The following CNTNAP5 variants were observed in gnomAD, a reference collection of about 807,000 sequenced individuals.
CNTNAP5 encodes the protein contactin associated protein family member 5.
CNTNAP5 carries 72 observed loss-of-function variants against 150.2 expected under a neutral mutation model. The ratio of observed to expected loss-of-function variants is 0.48; its 90% CI spans 0.40 to 0.58. The LOEUF (loss-of-function observed/expected upper bound fraction) is 0.58, where lower values mean the gene tolerates loss of function less well. Among genes scored for constraint, CNTNAP5 ranks in the 20% least tolerant of loss-of-function variants. The probability of loss-of-function intolerance (pLI) is 0.00; values close to 1 mark genes in which losing one functional copy is unlikely to be tolerated. For synonymous variants in CNTNAP5, 672 were observed against 619.8 expected (o/e 1.08, Z -1.25); for missense variants, 1,636 against 1,626.2 (o/e 1.01, Z -0.10).
rs190831838 is a variant in CNTNAP5 at position 124,829,810 on chromosome 2, G to A, written c.3217+31490G>A. 4.1e-3 allele frequency among the ~76,000 whole-genome samples: 628 copies of A among 151,862 alleles called. 4 individuals are homozygous for A. The highest frequency in any genetic ancestry group is 7.5e-3 in the Non-Finnish European group (512 of 67,890). On this transcript the variant is annotated intron_variant, in intron 19 of 23. Coordinates refer to ENST00000682447, the MANE Select transcript of CNTNAP5 (RefSeq NM_001367498.1). Reference sequence around the variant, plus strand: ...CTTTGAATAGCCATGATTAAAATATGATGAAAGTTCCCAGTTGACAAGAAC... The same window carrying A: ...CTTTGAATAGCCATGATTAAAATATAATGAAAGTTCCCAGTTGACAAGAAC...
At chr2:124,192,278 T>C (rs1244483946) in intron 1 of CNTNAP5, among the ~76,000 whole-genome samples, 1 of 152,164 alleles carries the variant, frequency 6.6e-6, no homozygotes, top group Non-Finnish European at 1.5e-5. Flanking sequence ...CCATTCTTGC[T>C]CTCTGCTACC....
chr2:124,318,129 A>G (rs985517552), intron 3 of CNTNAP5, among the ~76,000 whole-genome samples: 6 of 152,322 alleles, frequency 3.9e-5, no homozygotes, highest in South Asian at 4.1e-4. Flanking sequence ...GTCAGCGGCC[A>G]CAGCACACAC....
At chr2:124,568,259 T>G (rs1696076825) in intron 11 of CNTNAP5, among the ~76,000 whole-genome samples, 1 of 152,142 alleles carries the variant, frequency 6.6e-6, no homozygotes, top group Admixed American at 6.5e-5. Context: ...AGAATAATCA[T>G]GAAAGCATTA....
At chr2:124,627,172 A>G (rs1331563621) in intron 12 of CNTNAP5, among the ~76,000 whole-genome samples, 1 of 152,130 alleles carries the variant, frequency 6.6e-6, no homozygotes, top group African/African-American at 2.4e-5. Context: ...CTCTGAAAAA[A>G]TCAGCTGATC....
chr2:124,492,138 A>G (rs945411094), intron 7 of CNTNAP5, among the ~76,000 whole-genome samples: 6 of 151,924 alleles, frequency 3.9e-5, no homozygotes, highest in African/African-American at 1.4e-4. Context: ...CCACATGTCT[A>G]TTTTTGCTTT....
At chr2:124,780,708 T>C (rs1343266499) in intron 17 of CNTNAP5, among the ~76,000 whole-genome samples, 1 of 152,194 alleles carries the variant, frequency 6.6e-6, no homozygotes, top group Non-Finnish European at 1.5e-5. Flanking sequence ...TCCAATCTGG[T>C]AGTGAGAGGA....
At chr2:124,829,978 T>C (rs995409672) in intron 19 of CNTNAP5, among the ~76,000 whole-genome samples, 2 of 151,508 alleles carry the variant, frequency 1.3e-5, no homozygotes, top group South Asian at 4.2e-4. Context: ...AATATAATTT[T>C]AGAAAAGATT....
intron 3 of CNTNAP5, among the ~76,000 whole-genome samples, chr2:124,295,772 T>C (rs902941839): frequency 2.0e-5 from 3 of 147,434 alleles, no homozygotes; most frequent in Non-Finnish European, 4.5e-5. Context: ...AGGAATGAGG[T>C]GGACAATTCC....
intron 2 of CNTNAP5, among the ~76,000 whole-genome samples, chr2:124,233,185 A>G (rs1398452792): frequency 2.0e-5 from 3 of 152,154 alleles, no homozygotes; most frequent in African/African-American, 7.2e-5. Context: ...CCTGGAACTG[A>G]TAAGCCTGCC....
intron 12 of CNTNAP5, among the ~76,000 whole-genome samples, chr2:124,613,575 G>C (rs987143912): frequency 3.3e-5 from 5 of 152,208 alleles, no homozygotes; most frequent in African/African-American, 1.2e-4. Flanking sequence ...TGGATGTCAT[G>C]GGACTGAAGA....
chr2:124,195,147 AT>A (rs1685553866), intron 1 of CNTNAP5, among the ~76,000 whole-genome samples: 1 of 152,216 alleles, frequency 6.6e-6, no homozygotes, highest in African/African-American at 2.4e-5. Context: ...TTCACTGAAC[AT>A]TTATTACTCT....
chr2:124,389,787 A>G (rs1251273529), intron 3 of CNTNAP5, among the ~76,000 whole-genome samples: 11 of 152,122 alleles, frequency 7.2e-5, no homozygotes, highest in African/African-American at 2.7e-4. Context: ...CAATATAGCA[A>G]GACCCTGTCT....
intron 3 of CNTNAP5, among the ~76,000 whole-genome samples, chr2:124,372,774 A>T (rs137991241): frequency 6.6e-6 from 1 of 152,226 alleles, no homozygotes; most frequent in East Asian, 1.9e-4. Context: ...CTGTTATTAT[A>T]GACAGAATTG....
intron 14 of CNTNAP5, among the ~76,000 whole-genome samples, chr2:124,760,815 A>G (rs1680940404): frequency 6.6e-6 from 1 of 152,156 alleles, no homozygotes; most frequent in African/African-American, 2.4e-5. Context: ...AGTTTCTACT[A>G]TGTACAAGTT....
intron 10 of CNTNAP5, among the ~76,000 whole-genome samples, chr2:124,536,927 T>C (rs1410780191): frequency 6.6e-6 from 1 of 152,018 alleles, no homozygotes; most frequent in Admixed American, 6.6e-5. Context: ...AACTTGCCAG[T>C]GCACAAAACA....
intron 1 of CNTNAP5, among the ~76,000 whole-genome samples, chr2:124,104,967 T>G (rs1683143457): frequency 6.6e-6 from 1 of 151,938 alleles, no homozygotes; most frequent in South Asian, 2.1e-4. Context: ...ATCTTGTCCC[T>G]TAGAAAACCA....
In CNTNAP5 at chr2:124,798,090, T is replaced by C; in HGVS notation, c.2993-6T>C. 1 of 1,599,028 alleles carries C rather than the reference T, an allele frequency of 6.3e-7. No homozygotes were observed. Among genetic ancestry groups the C allele is most frequent in the Non-Finnish European group, 8.5e-7 (1 of 1,170,902 alleles). On this transcript the variant is annotated splice_region_variant and splice_polypyrimidine_tract_variant and intron_variant, in intron 18 of 23. Coordinates refer to ENST00000682447, the MANE Select transcript of CNTNAP5 (RefSeq NM_001367498.1). ...AATGTGTGCTCTCCCCTCTTATATT[T>C]TGCAGAGGTTTCTGCTGTTTTTGAG...
In CNTNAP5 at chr2:124,919,842, C is replaced by T. The variant is rs78663198; in HGVS notation, c.*5554C>T. Reference sequence around the variant, plus strand: ...ATCTAACCTGCCCAGGTTAAGCACCCAGATGCAACTTTCAGGAAATGAAAC... The same window carrying T: ...ATCTAACCTGCCCAGGTTAAGCACCTAGATGCAACTTTCAGGAAATGAAAC... On this transcript the variant is annotated 3_prime_UTR_variant, in exon 24 of 24. Transcript: ENST00000682447. 0.011 allele frequency among the ~76,000 whole-genome samples: 1,608 copies of T among 151,960 alleles called. 32 individuals carry two copies. The highest frequency in any genetic ancestry group is 0.036 in the African/African-American group (1,473 of 41,426).
At chr2:124,154,374 C>T (rs1228730723) in intron 1 of CNTNAP5, among the ~76,000 whole-genome samples, 3 of 152,030 alleles carry the variant, frequency 2.0e-5, no homozygotes, top group East Asian at 3.9e-4. Flanking sequence ...AAGGGCATGG[C>T]AAAATGGGTG....
Sources: gnomAD v4.1 joint callset for allele counts (sites outside exome capture counted in the v4.1 genomes callset) on GRCh38, gnomAD v4.1.1 for gene constraint, MANE v1.5 for transcripts, NCBI Gene and HGNC (gene_info 2026-07-23, HGNC 2026-07-21) for gene names.